MARCHF11: variants seen among roughly 807,000 people sequenced by gnomAD.
MARCHF11 encodes the protein membrane associated ring-CH-type finger 11.
MARCHF11 carries 29 observed loss-of-function variants against 37.3 expected under a neutral mutation model. The observed-to-expected ratio is 0.78, with a 90% CI of 0.58 to 1.06. The LOEUF is 1.06. Among genes scored for constraint, MARCHF11 ranks in the 50% least tolerant of loss-of-function variants. The probability of loss-of-function intolerance (pLI) is 0.00; values close to 1 mark genes in which losing one functional copy is unlikely to be tolerated. For missense variants in MARCHF11, 482 were observed against 533.4 expected, an observed-to-expected ratio of 0.90 and a Z score of 0.95; for synonymous variants, 233 against 228.0, an observed-to-expected ratio of 1.02 and a Z score of -0.20.
intron 2 of MARCHF11, among the ~76,000 whole-genome samples, chr5:16,133,968 T>C (rs1392327942): frequency 6.6e-6 from 1 of 152,078 alleles, no homozygotes; most frequent in African/African-American, 2.4e-5. Flanking sequence ...GCACAGAAAA[T>C]TGGCCAAAGG....
intron 2 of MARCHF11, among the ~76,000 whole-genome samples, chr5:16,172,677 T>C (rs1738290065): frequency 6.6e-6 from 1 of 152,230 alleles, no homozygotes; most frequent in South Asian, 2.1e-4. Flanking sequence ...TTTTCAATGG[T>C]AATTTTTCAG....
chr5:16,142,843 C>T (rs1737735258), intron 2 of MARCHF11, among the ~76,000 whole-genome samples: 3 of 149,374 alleles, frequency 2.0e-5, no homozygotes, highest in Non-Finnish European at 3.0e-5. Flanking sequence ...AGACATCTCC[C>T]AAGTAGCTGA....
chr5:16,156,870 G>C (rs1471156407), intron 2 of MARCHF11, among the ~76,000 whole-genome samples: 2 of 151,770 alleles, frequency 1.3e-5, no homozygotes, highest in African/African-American at 4.8e-5. Flanking sequence ...TTGTATGTGT[G>C]TATCTAAAAT....
At chr5:16,166,173 C>T (rs773755860) in intron 2 of MARCHF11, among the ~76,000 whole-genome samples, 17 of 151,916 alleles carry the variant, frequency 1.1e-4, no homozygotes, top group Non-Finnish European at 2.2e-4. Flanking sequence ...TGACTTATAC[C>T]CAATCCTTTT....
At chr5:16,113,893 T>C (rs1327681100) in intron 2 of MARCHF11, among the ~76,000 whole-genome samples, 1 of 152,222 alleles carries the variant, frequency 6.6e-6, no homozygotes, top group Non-Finnish European at 1.5e-5. Context: ...TCTAACTGTA[T>C]GTTTGTACCC....
At chr5:16,076,214 C>A (rs180856651) in intron 3 of MARCHF11, among the ~76,000 whole-genome samples, 43 of 152,220 alleles carry the variant, frequency 2.8e-4, no homozygotes, top group Middle Eastern at 3.4e-3. Context: ...AGAACAAACC[C>A]ACTACTGGCA....
At chr5:16,157,247 T>C (rs79939184) in intron 2 of MARCHF11, among the ~76,000 whole-genome samples, 2,867 of 151,942 alleles carry the variant, frequency 0.019, 41 homozygotes, top group South Asian at 0.075. Context: ...AAAATTAATA[T>C]TGTTAAAATG....
At chr5:16,157,113 A>G (rs1737990241) in intron 2 of MARCHF11, among the ~76,000 whole-genome samples, 1 of 151,482 alleles carries the variant, frequency 6.6e-6, no homozygotes, top group Admixed American at 6.6e-5. Flanking sequence ...CCTATTTACA[A>G]TAGCTACAAA....
At chr5:16,171,636 G>T (rs1290964579) in intron 2 of MARCHF11, among the ~76,000 whole-genome samples, 1 of 152,118 alleles carries the variant, frequency 6.6e-6, no homozygotes, top group Non-Finnish European at 1.5e-5. Context: ...CAGTGTCTGT[G>T]GTAGCTTTCA....
chr5:16,153,001 CATGT>C (rs1178037671), intron 2 of MARCHF11, among the ~76,000 whole-genome samples: 5 of 151,964 alleles, frequency 3.3e-5, no homozygotes, highest in Non-Finnish European at 7.4e-5. Flanking sequence ...TCCAATGTTC[CATGT>C]ATAGCAAGGC....
At chr5:16,124,441 G>A (rs570507359) in intron 2 of MARCHF11, among the ~76,000 whole-genome samples, 1 of 152,298 alleles carries the variant, frequency 6.6e-6, no homozygotes, top group South Asian at 2.1e-4. Flanking sequence ...TTGTTAGAAT[G>A]TAGTGGGGAC....
intron 2 of MARCHF11, among the ~76,000 whole-genome samples, chr5:16,120,835 A>G (rs1737298210): frequency 6.6e-6 from 1 of 152,136 alleles, no homozygotes; most frequent in Admixed American, 6.5e-5. Context: ...CCCACTTGAG[A>G]TCTCAAAGAC....
intron 2 of MARCHF11, among the ~76,000 whole-genome samples, chr5:16,157,202 C>G (rs922152679): frequency 2.5e-4 from 12 of 48,528 alleles, no homozygotes; most frequent in African/African-American, 1.1e-3. Context: ...TTGAAGAAGA[C>G]ATGAGTAAAT....
At chr5:16,142,891 T>G (rs1163884806) in intron 2 of MARCHF11, among the ~76,000 whole-genome samples, 4 of 128,178 alleles carry the variant, frequency 3.1e-5, no homozygotes, top group African/African-American at 1.2e-4. Context: ...TGGCTTTTTT[T>G]TTTTTTTTTT....
At chr5:16,139,582 A>G (rs932902077) in intron 2 of MARCHF11, among the ~76,000 whole-genome samples, 8 of 152,190 alleles carry the variant, frequency 5.3e-5, no homozygotes, top group Non-Finnish European at 1.0e-4. Flanking sequence ...AAAAAAATCA[A>G]GAATCTTAAT....
chr5:16,164,952 C>G (rs1283605502), intron 2 of MARCHF11, among the ~76,000 whole-genome samples: 1 of 152,008 alleles, frequency 6.6e-6, no homozygotes, highest in Non-Finnish European at 1.5e-5. Context: ...ATTTCTCTAC[C>G]TGAGACTCTC....
At chr5:16,169,731 A>G (rs1560995106) in intron 2 of MARCHF11, among the ~76,000 whole-genome samples, 1 of 152,112 alleles carries the variant, frequency 6.6e-6, no homozygotes, top group Non-Finnish European at 1.5e-5. Flanking sequence ...AGCACAAACC[A>G]CAGTGCAGTT....
At chr5:16,099,478 A>C (rs1301230276) in intron 2 of MARCHF11, among the ~76,000 whole-genome samples, 1 of 152,204 alleles carries the variant, frequency 6.6e-6, no homozygotes, top group Non-Finnish European at 1.5e-5. Context: ...AATAAGACTC[A>C]TATAAATTAC....
rs558371874 is a variant in MARCHF11 at position 16,157,860 on chromosome 5, C to T, written c.693+19866G>A. 3.9e-5 allele frequency among the ~76,000 whole-genome samples: 6 copies of T among 151,990 alleles called. No individual in the cohort carries two copies. The South Asian group carries it at 1.0e-3, about 26-fold the overall frequency. On this transcript the variant is annotated intron_variant, in intron 2 of 3. Coordinates refer to ENST00000332432, the MANE Select transcript of MARCHF11 (RefSeq NM_001102562.3). The stretch of plus-strand genomic sequence containing the variant: ...ATTACATCAAACTAAAAAGCCTTTG[C>T]ACAGCAAAGTAAACAACCAACAGAG...
Sources: gnomAD v4.1 joint callset for allele counts (sites outside exome capture counted in the v4.1 genomes callset) on GRCh38, gnomAD v4.1.1 for gene constraint, MANE v1.5 for transcripts, NCBI Gene and HGNC (gene_info 2026-07-23, HGNC 2026-07-21) for gene names.